Variants in YTHDC2 observed in about 807,000 individuals in gnomAD.
The protein encoded by YTHDC2 is 3'-5' RNA helicase YTHDC2.
YTHDC2 carries 45 observed loss-of-function variants against 174.9 expected under a neutral mutation model. The ratio of observed to expected loss-of-function variants is 0.26; its 90% CI spans 0.20 to 0.33. The LOEUF (loss-of-function observed/expected upper bound fraction) is 0.33. Ranked by LOEUF, YTHDC2 falls within the 10% of genes least tolerant of loss-of-function variation. YTHDC2 has a pLI of 1.00. For missense variants in YTHDC2, 1,650 were observed against 1,723.7 expected, an observed-to-expected ratio of 0.96 and a Z score of 0.76; for synonymous variants, 657 against 574.5, an observed-to-expected ratio of 1.14 and a Z score of -2.05.
At chr5:113,563,798 TTA>T in intron 19 of YTHDC2, 59 bp from the exon 20 acceptor site, 1 of 1,558,842 alleles carries the variant, frequency 6.4e-7, no homozygotes. Context: ...GGGTTTTTAA[TTA>T]TGTGTTTTGA....
intron 19 of YTHDC2, 109 bp downstream of exon 19, chr5:113,563,601 C>T: frequency 2.4e-6 from 3 of 1,248,596 alleles, no homozygotes; most frequent in Non-Finnish European, 2.2e-6. Context: ...TTTTTGTCCT[C>T]CTGCATGTGT....
intron 23 of YTHDC2, among the ~76,000 whole-genome samples, chr5:113,576,670 G>A (rs777339789): frequency 1.6e-4 from 24 of 151,872 alleles, no homozygotes; most frequent in African/African-American, 5.8e-4. Flanking sequence ...AACTCTCCAT[G>A]CATTTCTTTA....
chr5:113,530,106 C>G lies in YTHDC2; in HGVS notation c.676-2773C>G, dbSNP rs369880266. Among the ~76,000 whole-genome samples the G allele has an allele frequency of 2.0e-5, 3 of 152,190 alleles. No homozygotes were observed. The East Asian group carries it at 5.8e-4, about 29-fold the overall frequency. ...TGCATACCACCACACCTGGCTCTTC[C>G]TATAAATATTTTATTCTAATAGTTT... On this transcript the variant is annotated intron_variant, in intron 4 of 29. Transcript: ENST00000161863.
chr5:113,534,339 A>G lies in YTHDC2; in HGVS notation c.877A>G (p.Asn293Asp), dbSNP rs1774904121. 6.2e-7 allele frequency: 1 copy of G among 1,612,752 alleles called. No homozygotes were observed. The highest frequency in any genetic ancestry group is 8.5e-7 in the Non-Finnish European group (1 of 1,179,256). ...SPKTLLTFCT[N>D]GVLLRTLMAG... ...AAAGACACTTCTGACATTTTGTACT[A>G]ATGGGGTATTGCTTCGTACATTGAT... is the stretch of plus-strand genomic sequence containing the variant. Residue 293 changes from asparagine (N) to aspartate (D), a missense_variant, in exon 6 of 30, where the codon AAT becomes GAT. Physicochemically the swap from Asn to Asp is conservative, Grantham distance 23 (BLOSUM62 1). Coordinates refer to ENST00000161863, the MANE Select transcript of YTHDC2 (RefSeq NM_022828.5).
chr5:113,541,705 A>G (rs779869704), intron 9 of YTHDC2, among the ~76,000 whole-genome samples: 2 of 152,136 alleles, frequency 1.3e-5, no homozygotes, highest in Admixed American at 6.6e-5. Flanking sequence ...AGTTTTTAAA[A>G]ATACTTTTAA....
At chr5:113,518,359 C>A (rs376176537) in intron 2 of YTHDC2, among the ~76,000 whole-genome samples, 5 of 151,990 alleles carry the variant, frequency 3.3e-5, no homozygotes, top group African/African-American at 1.2e-4. Flanking sequence ...TGCTACCACA[C>A]CCAACTAATT....
intron 26 of YTHDC2, among the ~76,000 whole-genome samples, chr5:113,589,035 C>A (rs1346146900): frequency 6.6e-6 from 1 of 151,974 alleles, no homozygotes; most frequent in Admixed American, 6.6e-5. Context: ...TAGTCAGTTA[C>A]CTTTATGAAG....
In YTHDC2 at chr5:113,576,129, A is replaced by G. The variant is rs1025229355; in HGVS notation, c.3245-3457A>G. Among the ~76,000 whole-genome samples, 5 of 152,200 alleles carry G rather than the reference A, an allele frequency of 3.3e-5. No homozygotes were observed. The East Asian group carries it at 9.7e-4, about 29-fold the overall frequency. ...ATTTTTTTTTAGGAAGCAGTTGGAT[A>G]TGCATTTTTGGAGCTCAGGGAAGAT... is the stretch of plus-strand genomic sequence containing the variant. On this transcript the variant is annotated intron_variant, in intron 23 of 29. Coordinates refer to ENST00000161863, the MANE Select transcript of YTHDC2 (RefSeq NM_022828.5).
chr5:113,590,676 GT>G (rs1778959515), intron 26 of YTHDC2, among the ~76,000 whole-genome samples: 3 of 152,138 alleles, frequency 2.0e-5, no homozygotes, highest in Non-Finnish European at 4.4e-5. Flanking sequence ...ACTGGACTCT[GT>G]TTTTCTTTGT....
intron 4 of YTHDC2, among the ~76,000 whole-genome samples, chr5:113,531,693 C>T (rs1774682187): frequency 6.6e-6 from 1 of 150,376 alleles, no homozygotes; most frequent in South Asian, 2.1e-4. Context: ...ATGAACTAGT[C>T]AAGTTTAAAA....
rs149877791 is a variant in YTHDC2, at chr5:113,564,071, T to C, written c.2655T>C (p.Cys885=). Residue 885 remains cysteine, a synonymous_variant, in exon 20 of 30, where the codon TGT becomes TGC. Coordinates refer to ENST00000161863, the MANE Select transcript of YTHDC2 (RefSeq NM_022828.5). ...QASQKRAAML[C]RKRFTAGAFS... is the part of the protein sequence containing the mutation. ...CTCAAAAACGTGCAGCTATGCTTTG[T>C]AGGAAACGTTTTACTGCAGGAGCTT... is the stretch of plus-strand genomic sequence containing the variant. 5.7e-5 allele frequency: 92 copies of C among 1,614,038 alleles called. No homozygotes were observed. Among genetic ancestry groups the C allele is most frequent in the Non-Finnish European group, 7.6e-5 (90 of 1,180,024 alleles).
At chr5:113,592,934 A>C (rs919630924) in intron 28 of YTHDC2, 1 of 156,650 alleles carries the variant, frequency 6.4e-6, no homozygotes, top group Non-Finnish European at 1.4e-5. Context: ...AAAACCCAAC[A>C]TCGAATATGC....
intron 18 of YTHDC2, among the ~76,000 whole-genome samples, chr5:113,561,960 GTGTGTGTGTGTGTGTGT>G (rs1777014524): frequency 1.1e-4 from 8 of 74,052 alleles, no homozygotes; most frequent in African/African-American, 2.4e-4. Context: ...AATTGTGGGT[GTGTGTGTGTGTGTGTGT>G]GTGTGTGTGT....
At chr5:113,556,212 A>G in intron 17 of YTHDC2, 78 bp downstream of exon 17, 1 of 708,196 alleles carries the variant, frequency 1.4e-6, no homozygotes, top group South Asian at 2.5e-5. Flanking sequence ...CATTTATCAT[A>G]TATTCCATGT....
At chr5:113,547,119 C>G (rs999795823) in intron 10 of YTHDC2, among the ~76,000 whole-genome samples, 10 of 152,188 alleles carry the variant, frequency 6.6e-5, no homozygotes, top group Non-Finnish European at 1.2e-4. Flanking sequence ...GGCTCCACCT[C>G]TTGAAGGGAG....
At chr5:113,583,494 AT>A (rs1778511897) in intron 25 of YTHDC2, 1 of 151,320 alleles carries the variant, frequency 6.6e-6, no homozygotes, top group South Asian at 2.1e-4. Context: ...TTATTTTTAT[AT>A]TTTATTTTTG....
intron 4 of YTHDC2, among the ~76,000 whole-genome samples, chr5:113,531,417 C>T (rs1030572458): frequency 4.6e-5 from 7 of 152,022 alleles, no homozygotes; most frequent in African/African-American, 2.4e-5. Context: ...GAGTAGACAC[C>T]ACTAGAGGGT....
At position 113,526,798 on chromosome 5, in the gene YTHDC2, TTTG is replaced by T. The variant is rs1358242252; in HGVS notation, c.675+19_675+21del. On this transcript the variant is annotated intron_variant, in intron 4 of 29. Transcript: ENST00000161863. ...AAAGACCACACAGGTTTGTTTCTTT[TTTG>T]TTGTTTATAGAAAAAAAAAAAAAAA... 1.2e-5 allele frequency: 15 copies of T among 1,268,048 alleles called. No homozygotes were observed. The highest frequency in any genetic ancestry group is 1.8e-5 in the African/African-American group (1 of 56,408). The allele number at this position is 1,268,048 out of a possible 1,614,324, so 78.5% of individuals were successfully genotyped here. A position where few individuals can be genotyped will look rare whatever the true frequency, so the allele number is the denominator to read the frequency against.
intron 24 of YTHDC2, 22 bp from the exon 25 acceptor site, chr5:113,581,395 G>C (rs778463382): frequency 6.5e-7 from 1 of 1,546,282 alleles, no homozygotes; most frequent in South Asian, 1.3e-5. Flanking sequence ...TCATTTGCTT[G>C]TATCTATTTG....
Sources: allele counts gnomAD v4.1 joint callset (sites outside exome capture counted in the v4.1 genomes callset), GRCh38; gene constraint gnomAD v4.1.1; transcripts MANE v1.5; gene names NCBI Gene and HGNC (gene_info 2026-07-23, HGNC 2026-07-21).